CREB3L2: variants seen among roughly 807,000 people sequenced by gnomAD.
CREB3L2 encodes the protein cAMP responsive element binding protein 3 like 2.
CREB3L2 carries 23 observed loss-of-function variants against 57.2 expected under a neutral mutation model. The ratio of observed to expected loss-of-function variants is 0.40; its 90% confidence interval spans 0.29 to 0.57. CREB3L2 has a LOEUF of 0.57. Ranked by LOEUF, CREB3L2 falls within the 20% of genes least tolerant of loss-of-function variation. CREB3L2 has a pLI of 0.42. For synonymous variants in CREB3L2, 268 were observed against 265.1 expected, an observed-to-expected ratio of 1.01 and a Z score of -0.11; for missense variants, 628 against 634.7, an observed-to-expected ratio of 0.99 and a Z score of 0.11.
At chr7:137,905,890 C>A in intron 5 of CREB3L2, 42 bp from the exon 6 acceptor site, 1 of 1,538,114 alleles carries the variant, frequency 6.5e-7, no homozygotes, top group African/African-American at 1.4e-5. Context: ...AGAAAAAGAA[C>A]TGGGACCACT....
intron 8 of CREB3L2, among the ~76,000 whole-genome samples, chr7:137,893,092 A>C (rs930115489): frequency 4.6e-5 from 7 of 152,104 alleles, no homozygotes; most frequent in Non-Finnish European, 8.8e-5. Context: ...AAAGCGTATA[A>C]ATTTTCTCCT....
At chr7:137,932,124 A>C (rs539746466) in intron 1 of CREB3L2, among the ~76,000 whole-genome samples, 3 of 152,240 alleles carry the variant, frequency 2.0e-5, no homozygotes, top group African/African-American at 7.2e-5. Flanking sequence ...ACCATATCTC[A>C]TATTTCCTCT....
At chr7:137,902,778 T>A (rs1220234533) in intron 7 of CREB3L2, among the ~76,000 whole-genome samples, 1 of 122,028 alleles carries the variant, frequency 8.2e-6, no homozygotes, top group Non-Finnish European at 1.7e-5. Context: ...AGTTGTATTA[T>A]TTTTTATTGT....
chr7:137,996,348 G>A (rs1028929639), intron 1 of CREB3L2, among the ~76,000 whole-genome samples: 1 of 152,176 alleles, frequency 6.6e-6, no homozygotes, highest in African/African-American at 2.4e-5. Flanking sequence ...AACACAAAAG[G>A]GGCGAGAATG....
At chr7:137,885,523 C>A (rs370734182) in intron 8 of CREB3L2, 21 bp from the exon 9 acceptor site, 10 of 1,573,926 alleles carry the variant, frequency 6.4e-6, no homozygotes, top group South Asian at 1.1e-5. Flanking sequence ...TAACAACAGC[C>A]GTGAGGGGAG....
At chr7:137,906,655 T>C (rs1799896959) in intron 5 of CREB3L2, among the ~76,000 whole-genome samples, 1 of 152,186 alleles carries the variant, frequency 6.6e-6, no homozygotes, top group African/African-American at 2.4e-5. Context: ...CCAAATCTCA[T>C]TTTATAGCTC....
intron 1 of CREB3L2, among the ~76,000 whole-genome samples, chr7:137,961,827 C>T (rs1801328699): frequency 1.3e-5 from 2 of 152,200 alleles, no homozygotes; most frequent in Admixed American, 1.3e-4. Context: ...AGATCTCTAG[C>T]CTACCCCAGG....
chr7:137,937,450 T>G (rs559192129), intron 1 of CREB3L2, among the ~76,000 whole-genome samples: 1 of 152,110 alleles, frequency 6.6e-6, no homozygotes, highest in African/African-American at 2.4e-5. Flanking sequence ...TCAAAACCAG[T>G]GCACCTTAGA....
chr7:137,904,981 C>T (rs1799853920), intron 6 of CREB3L2, among the ~76,000 whole-genome samples: 1 of 152,076 alleles, frequency 6.6e-6, no homozygotes, highest in South Asian at 2.1e-4. Context: ...GGCTGAAGTA[C>T]ATATATAAAA....
chr7:137,915,186 C>A lies in CREB3L2; in HGVS notation c.495+651G>T, dbSNP rs191063348. ...TACAATGCTGGTCCATGGCCAGACA[C>A]TGGAAATATCCAGAAAGAAGGTAGA... On this transcript the variant is annotated intron_variant, in intron 3 of 11. Transcript: ENST00000330387. Among the ~76,000 whole-genome samples the A allele has an allele frequency of 3.0e-3, 456 of 152,058 alleles. 2 individuals are homozygous for A. The highest frequency in any genetic ancestry group is 0.011 in the African/African-American group (438 of 41,476).
intron 8 of CREB3L2, among the ~76,000 whole-genome samples, chr7:137,888,287 G>C (rs1799468653): frequency 6.7e-6 from 1 of 149,424 alleles, no homozygotes; most frequent in South Asian, 2.1e-4. Flanking sequence ...AAAGCATTTT[G>C]TATGTTTACT....
At chr7:137,916,097 CAA>C (rs1800126413) in intron 2 of CREB3L2, 85 bp from the exon 3 acceptor site, 2 of 1,066,236 alleles carry the variant, frequency 1.9e-6, no homozygotes, top group Admixed American at 2.9e-5. Context: ...TCTTTCTCCC[CAA>C]AAAAGCTCAG....
At chr7:137,947,441 C>T (rs1801017237) in intron 1 of CREB3L2, among the ~76,000 whole-genome samples, 2 of 152,158 alleles carry the variant, frequency 1.3e-5, no homozygotes, top group African/African-American at 2.4e-5. Context: ...AACAGGAGAG[C>T]TGGAGAACCT....
chr7:137,902,590 T>G (rs933202018), intron 7 of CREB3L2, among the ~76,000 whole-genome samples: 3 of 152,156 alleles, frequency 2.0e-5, no homozygotes, highest in Admixed American at 2.0e-4. Flanking sequence ...GGGGGATTAG[T>G]TCCAGAACTC....
At chr7:137,894,541 A>T (rs1799585265) in intron 8 of CREB3L2, among the ~76,000 whole-genome samples, 1 of 152,220 alleles carries the variant, frequency 6.6e-6, no homozygotes, top group African/African-American at 2.4e-5. Context: ...ACTGGTCACC[A>T]GGTTTGCCCT....
At position 137,880,776 on chromosome 7, in the gene CREB3L2, T is replaced by A. The variant is rs1176492031; in HGVS notation, c.1488-225A>T. Reference sequence around the variant, plus strand: ...CCTACCTTTATCTACACCCAAGGCATCCCAACCCTACTAAGGATAATCATG... The same window carrying A: ...CCTACCTTTATCTACACCCAAGGCAACCCAACCCTACTAAGGATAATCATG... On this transcript the variant is annotated intron_variant, in intron 11 of 11. Coordinates refer to ENST00000330387, the MANE Select transcript of CREB3L2 (RefSeq NM_194071.4). This position sits in a 1 kb window ranked among gnomAD's most constrained non-coding sequence, Gnocchi z 4.0. Among the ~76,000 whole-genome samples the A allele has an allele frequency of 6.6e-6, 1 of 152,172 alleles. No individual in the cohort carries two copies. Among genetic ancestry groups the A allele is most frequent in the African/African-American group, 2.4e-5 (1 of 41,424 alleles).
chr7:137,908,642 G>T (rs1357791575), intron 4 of CREB3L2, among the ~76,000 whole-genome samples: 1 of 152,118 alleles, frequency 6.6e-6, no homozygotes, highest in Non-Finnish European at 1.5e-5. Context: ...TATACTGGCA[G>T]AAAGAAACAC....
chr7:137,897,099 A>C (rs971326666), intron 8 of CREB3L2, among the ~76,000 whole-genome samples: 4 of 152,024 alleles, frequency 2.6e-5, no homozygotes, highest in Non-Finnish European at 4.4e-5. Flanking sequence ...GGCACCAAAA[A>C]GAAAAAGAAA....
rs1460674583 is a variant in CREB3L2, at chr7:137,971,945, AT to A, written c.102+29658del. 3.4e-3 allele frequency among the ~76,000 whole-genome samples: 510 copies of A among 150,752 alleles called. 1 individual carries two copies. Among genetic ancestry groups the A allele is most frequent in the African/African-American group, 0.012 (471 of 40,214 alleles). The stretch of plus-strand genomic sequence containing the variant: ...TGTTCACTTCCTTAAAAAAAAAAAA[AT>A]AATGGCTAAGTATTAAAATAGGAAA... On this transcript the variant is annotated intron_variant, in intron 1 of 11. Coordinates refer to ENST00000330387, the MANE Select transcript of CREB3L2 (RefSeq NM_194071.4).
Sources: allele counts gnomAD v4.1 joint callset (sites outside exome capture counted in the v4.1 genomes callset), GRCh38; gene constraint gnomAD v4.1.1; non-coding constraint Gnocchi (gnomAD v3.1); transcripts MANE v1.5; gene names NCBI Gene and HGNC (gene_info 2026-07-23, HGNC 2026-07-21).